MAGI2: variants seen among roughly 807,000 people sequenced by gnomAD.
MAGI2 encodes membrane-associated guanylate kinase, WW and PDZ domain-containing protein 2.
Under a neutral mutation model 133.3 loss-of-function variants are expected in MAGI2, and 35 were observed. The observed-to-expected ratio is 0.26, with a 90% confidence interval of 0.20 to 0.35. The LOEUF (loss-of-function observed/expected upper bound fraction) is 0.35. MAGI2 is among the 10% of genes least tolerant of loss of function. The probability of loss-of-function intolerance (pLI) is 1.00; values close to 1 mark genes in which losing one functional copy is unlikely to be tolerated. For synonymous variants in MAGI2, 729 were observed against 710.6 expected (o/e 1.03, Z -0.41); for missense variants, 1,636 against 1,863.4 (o/e 0.88, Z 2.25).
At chr7:78,596,877 T>C (rs1309746850) in intron 3 of MAGI2, among the ~76,000 whole-genome samples, 2 of 152,222 alleles carry the variant, frequency 1.3e-5, no homozygotes, top group African/African-American at 2.4e-5. Context: ...TGAATGGGTC[T>C]ATCACATAAA....
At chr7:78,988,999 G>A (rs904963135) in intron 2 of MAGI2, among the ~76,000 whole-genome samples, 7 of 152,060 alleles carry the variant, frequency 4.6e-5, no homozygotes, top group African/African-American at 1.7e-4. Flanking sequence ...TAACTCTGTA[G>A]TAATGTATAT....
At chr7:78,154,285 G>A (rs1186508832) in intron 16 of MAGI2, among the ~76,000 whole-genome samples, 3 of 152,162 alleles carry the variant, frequency 2.0e-5, no homozygotes, top group Admixed American at 6.5e-5. Context: ...TGGCCTTAGG[G>A]AAAGTCAAGA....
At chr7:78,101,654 T>C (rs1818221071) in intron 20 of MAGI2, among the ~76,000 whole-genome samples, 1 of 152,174 alleles carries the variant, frequency 6.6e-6, no homozygotes, top group South Asian at 2.1e-4. Context: ...AATGATATTT[T>C]GGATATGACA....
At chr7:79,115,854 GTTTTTTTT>G (rs59398227) in intron 1 of MAGI2, among the ~76,000 whole-genome samples, 11 of 93,942 alleles carry the variant, frequency 1.2e-4, no homozygotes, top group African/African-American at 2.6e-4. Context: ...ATGTTTTAAA[GTTTTTTTT>G]TTTTTTTTTT....
At chr7:78,995,779 G>C (rs776648320) in intron 2 of MAGI2, among the ~76,000 whole-genome samples, 1 of 151,832 alleles carries the variant, frequency 6.6e-6, no homozygotes, top group Non-Finnish European at 1.5e-5. Context: ...CATGCTTATG[G>C]TTCTGACTTT....
chr7:78,203,860 T>C (rs1455537469), intron 10 of MAGI2, among the ~76,000 whole-genome samples: 2 of 152,242 alleles, frequency 1.3e-5, no homozygotes, highest in African/African-American at 2.4e-5. Flanking sequence ...AAATTTTCTA[T>C]GTGATTCAAC....
At chr7:79,346,952 A>T (rs961830623) in intron 1 of MAGI2, among the ~76,000 whole-genome samples, 1 of 152,022 alleles carries the variant, frequency 6.6e-6, no homozygotes, top group Non-Finnish European at 1.5e-5. Flanking sequence ...TTATGTGAGC[A>T]TAGAGACTCT....
At chr7:78,558,983 G>A (rs1053901140) in intron 3 of MAGI2, among the ~76,000 whole-genome samples, 1 of 150,956 alleles carries the variant, frequency 6.6e-6, no homozygotes, top group Admixed American at 6.6e-5. Flanking sequence ...TTAAATTTCA[G>A]GAACCCAATT....
At position 79,201,534 on chromosome 7, in the gene MAGI2, T is replaced by C. The variant is rs1383621623; in HGVS notation, c.302-194328A>G. Reference sequence around the variant, plus strand: ...TTTGTTTTGTTTTGCTTTTTGTTTGTTTTTTTAATGGAAAAATCTTGGGAT... The same window carrying C: ...TTTGTTTTGTTTTGCTTTTTGTTTGCTTTTTTAATGGAAAAATCTTGGGAT... On this transcript the variant is annotated intron_variant, in intron 1 of 21. Coordinates refer to ENST00000354212, the MANE Select transcript of MAGI2 (RefSeq NM_012301.4). Among the ~76,000 whole-genome samples, 3 of 151,854 alleles carry C rather than the reference T, an allele frequency of 2.0e-5. 1 individual carries two copies. Among genetic ancestry groups the C allele is most frequent in the African/African-American group, 7.3e-5 (3 of 41,234 alleles).
At chr7:78,968,933 A>T (rs762485382) in intron 2 of MAGI2, among the ~76,000 whole-genome samples, 12 of 152,162 alleles carry the variant, frequency 7.9e-5, no homozygotes, top group Middle Eastern at 3.4e-3. Context: ...CCTTGGTGGA[A>T]TTTTCCTTCA....
Position 78,125,631 on chromosome 7 carries a change from C to T in MAGI2, c.3567+63G>A, listed in dbSNP as rs556883017. ...CTTGACAGCATGCTTCAGTACTCTTCCAATACCACAGTCGGTTTTTCTTTC... is the reference window on the plus strand; with the variant it reads ...CTTGACAGCATGCTTCAGTACTCTTTCAATACCACAGTCGGTTTTTCTTTC... On this transcript the variant is annotated intron_variant, in intron 20 of 21. Coordinates refer to ENST00000354212, the MANE Select transcript of MAGI2 (RefSeq NM_012301.4). 577 of 1,570,032 alleles carry T rather than the reference C, an allele frequency of 3.7e-4. 1 individual carries two copies. The highest frequency in any genetic ancestry group is 1.2e-3 in the Middle Eastern group (7 of 5,928).
intron 2 of MAGI2, among the ~76,000 whole-genome samples, chr7:78,678,267 C>A (rs1815266897): frequency 6.6e-6 from 1 of 152,072 alleles, no homozygotes. Flanking sequence ...TAGAAATATT[C>A]TCTATTTTCC....
At chr7:78,326,383 C>T (rs1447248019) in intron 9 of MAGI2, among the ~76,000 whole-genome samples, 2 of 152,226 alleles carry the variant, frequency 1.3e-5, no homozygotes, top group Non-Finnish European at 2.9e-5. Context: ...CCTTGCTCTG[C>T]AGTCTGTACA....
At chr7:79,325,488 A>T (rs969106718) in intron 1 of MAGI2, among the ~76,000 whole-genome samples, 18 of 152,174 alleles carry the variant, frequency 1.2e-4, no homozygotes, top group Admixed American at 2.0e-4. Flanking sequence ...GACTTTTATG[A>T]TAAAACCAAT....
intron 2 of MAGI2, among the ~76,000 whole-genome samples, chr7:78,778,724 C>G (rs1187470452): frequency 2.6e-5 from 4 of 152,126 alleles, no homozygotes; most frequent in Non-Finnish European, 2.9e-5. Flanking sequence ...CTACCACAAA[C>G]TGTGTGACTT....
chr7:79,390,029 T>A (rs145168491), intron 1 of MAGI2, among the ~76,000 whole-genome samples: 267 of 152,278 alleles, frequency 1.8e-3, no homozygotes, highest in African/African-American at 6.1e-3. Flanking sequence ...CAGTATATAT[T>A]CCATGCCCAA....
intron 11 of MAGI2, among the ~76,000 whole-genome samples, chr7:78,196,480 G>A (rs2150743890): frequency 6.6e-6 from 1 of 152,306 alleles, no homozygotes; most frequent in African/African-American, 2.4e-5. Flanking sequence ...TGGCAGGATT[G>A]TAACTTTCTG....
chr7:78,551,895 C>A (rs1799363345), intron 3 of MAGI2, among the ~76,000 whole-genome samples: 1 of 152,116 alleles, frequency 6.6e-6, no homozygotes, highest in Admixed American at 6.5e-5. Context: ...CAGGAATGCG[C>A]CACCACGCCC....
intron 1 of MAGI2, among the ~76,000 whole-genome samples, chr7:79,393,766 A>G (rs1387218747): frequency 6.6e-6 from 1 of 152,118 alleles, no homozygotes. Context: ...TCCTCCAATA[A>G]GTTGAATATG....
Sources: allele counts gnomAD v4.1 joint callset (sites outside exome capture counted in the v4.1 genomes callset), GRCh38; gene constraint gnomAD v4.1.1; transcripts MANE v1.5; gene names NCBI Gene and HGNC (gene_info 2026-07-23, HGNC 2026-07-21).